The following DPYD variants were observed in gnomAD, a reference collection of about 807,000 sequenced individuals.
DPYD encodes the protein dihydropyrimidine dehydrogenase.
Under a neutral mutation model 116.2 loss-of-function variants are expected in DPYD, and 109 were observed. That is an observed-to-expected ratio of 0.94 (90% CI 0.80 to 1.10). The LOEUF (loss-of-function observed/expected upper bound fraction) is 1.10. DPYD is among the 50% of genes least tolerant of loss of function. DPYD has a pLI of 0.00. For missense variants in DPYD, 1,302 were observed against 1,254.5 expected (o/e 1.04, Z -0.57); for synonymous variants, 440 against 432.0 (o/e 1.02, Z -0.23).
intron 14 of DPYD, among the ~76,000 whole-genome samples, chr1:97,387,413 A>G (rs992355617): frequency 1.3e-5 from 2 of 152,166 alleles, no homozygotes; most frequent in African/African-American, 4.8e-5. Flanking sequence ...CTCAGAAGTG[A>G]TGAACAAGAC....
At chr1:97,215,153 C>T (rs1359820775) in intron 19 of DPYD, among the ~76,000 whole-genome samples, 1 of 152,178 alleles carries the variant, frequency 6.6e-6, no homozygotes, top group Non-Finnish European at 1.5e-5. Flanking sequence ...TGAATCCTCA[C>T]AACCATACTA....
chr1:97,733,439 T>A (rs570521917), intron 4 of DPYD, among the ~76,000 whole-genome samples: 1 of 152,080 alleles, frequency 6.6e-6, no homozygotes, highest in South Asian at 2.1e-4. Flanking sequence ...TATATACAGA[T>A]TAAATTTTTT....
At chr1:97,287,277 T>G (rs1005009603) in intron 18 of DPYD, among the ~76,000 whole-genome samples, 1 of 152,158 alleles carries the variant, frequency 6.6e-6, no homozygotes, top group Non-Finnish European at 1.5e-5. Flanking sequence ...GTCTGATCGT[T>G]CCTCTGGAAG....
chr1:97,293,710 G>A (rs978286900), intron 18 of DPYD, among the ~76,000 whole-genome samples: 6 of 152,166 alleles, frequency 3.9e-5, no homozygotes. Flanking sequence ...GTGGGGCTGA[G>A]GCAGATGGAT....
intron 7 of DPYD, among the ~76,000 whole-genome samples, chr1:97,680,030 A>G (rs1186465501): frequency 6.6e-6 from 1 of 152,154 alleles, no homozygotes; most frequent in Admixed American, 6.5e-5. Flanking sequence ...AAGAGTGGGT[A>G]CTTACAGGGT....
intron 11 of DPYD, 32 bp from the exon 12 acceptor site, chr1:97,549,776 C>T (rs1398700830): frequency 6.4e-7 from 1 of 1,561,552 alleles, no homozygotes; most frequent in Middle Eastern, 1.7e-4. Context: ...AATAGACAAT[C>T]ACTAGTCAAC....
At chr1:97,894,293 C>T (rs557625577) in intron 1 of DPYD, among the ~76,000 whole-genome samples, 93 of 151,948 alleles carry the variant, frequency 6.1e-4, no homozygotes, top group Admixed American at 5.5e-3. Flanking sequence ...CTCATGACCT[C>T]ATCTACCCCT....
chr1:97,735,731 A>T (rs1366443729), intron 4 of DPYD, among the ~76,000 whole-genome samples: 3 of 146,228 alleles, frequency 2.1e-5, no homozygotes, highest in Non-Finnish European at 3.0e-5. Context: ...AATAAATAAA[A>T]CAATAAAAGT....
At position 97,571,489 on chromosome 1, in the gene DPYD, T is replaced by A. The variant is rs184823652; in HGVS notation, c.1339+2271A>T. The stretch of plus-strand genomic sequence containing the variant: ...GAAAATATACTAAGGACTGAAAGGA[T>A]GTCACTGCATTTGGCATGCAGTTCA... On this transcript the variant is annotated intron_variant, in intron 11 of 22. Coordinates refer to ENST00000370192, the MANE Select transcript of DPYD (RefSeq NM_000110.4). Among the ~76,000 whole-genome samples the A allele has an allele frequency of 1.1e-4, 16 of 152,042 alleles. No homozygotes were observed. The East Asian group carries it at 2.9e-3, about 27-fold the overall frequency.
chr1:97,449,923 T>C (rs1676314030), intron 14 of DPYD, 136 bp downstream of exon 14: 3 of 1,103,264 alleles, frequency 2.7e-6, no homozygotes, highest in Admixed American at 2.1e-5. Context: ...TATCTTTCTA[T>C]GCATCAGCAA....
rs185115874 is a variant in DPYD at position 97,504,995 on chromosome 1, T to C, written c.1740+10731A>G. On this transcript the variant is annotated intron_variant, in intron 13 of 22. Coordinates refer to ENST00000370192, the MANE Select transcript of DPYD (RefSeq NM_000110.4). Reference sequence around the variant, plus strand: ...GAGAGAAGATAACCATTGATTAATGTAGCTCCAGGGGACTTGGGTGGTCAT... The same window carrying C: ...GAGAGAAGATAACCATTGATTAATGCAGCTCCAGGGGACTTGGGTGGTCAT... Among the ~76,000 whole-genome samples the C allele has an allele frequency of 8.5e-5, 13 of 152,098 alleles. No individual in the cohort carries two copies. In the East Asian group the frequency reaches 2.5e-3, roughly 30 times the overall value.
chr1:97,296,302 G>A (rs576357406), intron 18 of DPYD, among the ~76,000 whole-genome samples: 49 of 152,254 alleles, frequency 3.2e-4, no homozygotes, highest in African/African-American at 9.9e-4. Context: ...CACTTTTGGT[G>A]AAGATCGCTA....
chr1:97,246,471 G>A (rs1662726171), intron 18 of DPYD, among the ~76,000 whole-genome samples: 1 of 152,150 alleles, frequency 6.6e-6, no homozygotes, highest in South Asian at 2.1e-4. Flanking sequence ...CTTCAGTTGG[G>A]CTCTTGAAAG....
At chr1:97,421,146 C>T (rs1004204054) in intron 14 of DPYD, among the ~76,000 whole-genome samples, 2 of 152,076 alleles carry the variant, frequency 1.3e-5, no homozygotes, top group Admixed American at 6.6e-5. Flanking sequence ...TCCAAGTTTC[C>T]TAGCTATAAA....
intron 1 of DPYD, among the ~76,000 whole-genome samples, chr1:97,906,612 A>T (rs952237506): frequency 6.6e-6 from 1 of 152,082 alleles, no homozygotes; most frequent in Non-Finnish European, 1.5e-5. Flanking sequence ...ACCCTAATCC[A>T]CGGGGATATG....
At chr1:97,135,876 G>C (rs1423498362) in intron 20 of DPYD, among the ~76,000 whole-genome samples, 1 of 152,150 alleles carries the variant, frequency 6.6e-6, no homozygotes, top group East Asian at 1.9e-4. Context: ...TAGGCTGAGA[G>C]AGTGTTTCTG....
intron 18 of DPYD, among the ~76,000 whole-genome samples, chr1:97,272,650 T>C (rs914355830): frequency 6.6e-6 from 1 of 152,126 alleles, no homozygotes; most frequent in South Asian, 2.1e-4. Flanking sequence ...ACGTTACACA[T>C]CTTGGCTGTT....
intron 11 of DPYD, among the ~76,000 whole-genome samples, chr1:97,562,000 T>G (rs915235293): frequency 6.6e-6 from 1 of 152,224 alleles, no homozygotes; most frequent in Non-Finnish European, 1.5e-5. Flanking sequence ...TGCATGCATC[T>G]TTCCTCCTTT....
intron 7 of DPYD, among the ~76,000 whole-genome samples, chr1:97,687,475 A>C (rs1044376945): frequency 4.6e-5 from 7 of 152,234 alleles, no homozygotes; most frequent in Admixed American, 3.3e-4. Flanking sequence ...AAGTCAAGAA[A>C]CAACAGATGC....
Sources: allele counts gnomAD v4.1 joint callset (sites outside exome capture counted in the v4.1 genomes callset), GRCh38; gene constraint gnomAD v4.1.1; transcripts MANE v1.5; gene names NCBI Gene and HGNC (gene_info 2026-07-23, HGNC 2026-07-21).